Variants in OTUD7A observed in about 807,000 individuals in gnomAD.
OTUD7A encodes the protein OTU deubiquitinase 7A, also known as OTU domain-containing protein 7A.
Under a neutral mutation model 65.7 loss-of-function variants are expected in OTUD7A, and 12 were observed. The ratio of observed to expected loss-of-function variants is 0.18; its 90% CI spans 0.12 to 0.30. OTUD7A has a LOEUF of 0.30. Ranked by LOEUF, OTUD7A falls within the 10% of genes least tolerant of loss-of-function variation. The probability of loss-of-function intolerance (pLI) is 1.00; values close to 1 mark genes in which losing one functional copy is unlikely to be tolerated. For synonymous variants in OTUD7A, 641 were observed against 586.3 expected (o/e 1.09, Z -1.35); for missense variants, 1,148 against 1,304.8 (o/e 0.88, Z 1.85).
intron 1 of OTUD7A, among the ~76,000 whole-genome samples, chr15:31,791,439 C>T (rs1895813034): frequency 6.6e-6 from 1 of 152,116 alleles, no homozygotes; most frequent in Non-Finnish European, 1.5e-5. Context: ...TCCATCATCC[C>T]ACCTTCTATT....
intron 1 of OTUD7A, among the ~76,000 whole-genome samples, chr15:31,757,579 A>G (rs946418429): frequency 1.2e-4 from 18 of 152,096 alleles, no homozygotes; most frequent in Non-Finnish European, 2.1e-4. Flanking sequence ...GGACATTACC[A>G]GCCAGCCGCA....
intron 5 of OTUD7A, among the ~76,000 whole-genome samples, chr15:31,541,219 A>T (rs1887977594): frequency 6.6e-6 from 1 of 152,194 alleles, no homozygotes; most frequent in Admixed American, 6.5e-5. Flanking sequence ...TAAAGAAAAA[A>T]GTTGAGTAGA....
intron 3 of OTUD7A, among the ~76,000 whole-genome samples, chr15:31,625,359 A>G (rs544720242): frequency 1.3e-5 from 2 of 152,234 alleles, no homozygotes; most frequent in South Asian, 4.1e-4. Context: ...TGTATGCGGC[A>G]ATAGATGACT....
At chr15:31,850,214 G>A (rs1273376346) in intron 1 of OTUD7A, among the ~76,000 whole-genome samples, 2 of 152,182 alleles carry the variant, frequency 1.3e-5, no homozygotes, top group African/African-American at 4.8e-5. Flanking sequence ...TATACATCAT[G>A]GAATACTATG....
intron 1 of OTUD7A, among the ~76,000 whole-genome samples, chr15:31,857,084 G>A (rs977111281): frequency 6.6e-6 from 1 of 152,192 alleles, no homozygotes; most frequent in Non-Finnish European, 1.5e-5. Context: ...GGAAATAGAG[G>A]CTTAAAGAAG....
intron 3 of OTUD7A, among the ~76,000 whole-genome samples, chr15:31,573,747 A>G (rs1047522034): frequency 2.0e-5 from 3 of 152,154 alleles, no homozygotes; most frequent in Non-Finnish European, 2.9e-5. Context: ...CCAAAAATAC[A>G]AAAATTACCT....
chr15:31,613,189 A>G (rs1420455162), intron 3 of OTUD7A, among the ~76,000 whole-genome samples: 3 of 152,232 alleles, frequency 2.0e-5, no homozygotes, highest in East Asian at 1.9e-4. Context: ...AACTATAAAA[A>G]TTCTAGAAGA....
intron 9 of OTUD7A, among the ~76,000 whole-genome samples, chr15:31,502,656 T>C (rs1379548878): frequency 6.6e-6 from 1 of 152,220 alleles, no homozygotes; most frequent in Non-Finnish European, 1.5e-5. Context: ...AAGAGGGCTG[T>C]GAGTAGCATG....
chr15:31,598,424 A>G (rs932488433), intron 3 of OTUD7A, among the ~76,000 whole-genome samples: 2 of 152,118 alleles, frequency 1.3e-5, no homozygotes, highest in Admixed American at 6.5e-5. Context: ...CCCCTACCCA[A>G]GGGAAGCCGT....
At chr15:31,496,954 C>T (rs1177306161) in intron 10 of OTUD7A, among the ~76,000 whole-genome samples, 2 of 152,078 alleles carry the variant, frequency 1.3e-5, no homozygotes, top group African/African-American at 4.8e-5. Flanking sequence ...GTCTCTGTTC[C>T]CAATAAAGGG....
At chr15:31,670,027 C>T (rs1206591489) in intron 1 of OTUD7A, among the ~76,000 whole-genome samples, 2 of 144,804 alleles carry the variant, frequency 1.4e-5, no homozygotes, top group Non-Finnish European at 1.5e-5. Context: ...GAGCAGTCTG[C>T]TTCCTTCAGA....
intron 1 of OTUD7A, among the ~76,000 whole-genome samples, chr15:31,838,546 A>G (rs1897108986): frequency 6.6e-6 from 1 of 152,200 alleles, no homozygotes; most frequent in African/African-American, 2.4e-5. Context: ...GGAAGCCTGC[A>G]GAACCACCAC....
Position 31,487,583 on chromosome 15 carries a change from A to G in OTUD7A, c.1172-17T>C. ...GGATCACGGCTGGAACAGAAGAGAC[A>G]GAGCCGTGCTTGGAGCCCCGGCAGT... On this transcript the variant is annotated splice_polypyrimidine_tract_variant and intron_variant, in intron 10 of 12. Transcript: ENST00000307050. The surrounding 1 kb of genome is among the most constrained non-coding windows in gnomAD (Gnocchi z 6.0). The G allele has an allele frequency of 6.2e-7, 1 of 1,605,240 alleles. No individual in the cohort carries two copies. The highest frequency in any genetic ancestry group is 8.5e-7 in the Non-Finnish European group (1 of 1,175,408).
At chr15:31,852,680 G>A (rs1897460918) in intron 1 of OTUD7A, among the ~76,000 whole-genome samples, 1 of 152,146 alleles carries the variant, frequency 6.6e-6, no homozygotes, top group South Asian at 2.1e-4. Context: ...CTCCTCAATG[G>A]GCTCATCTGT....
At chr15:31,808,136 C>CACACACACACACAAAAAAAAAA in intron 1 of OTUD7A, among the ~76,000 whole-genome samples, 1 of 119,418 alleles carries the variant, frequency 8.4e-6, no homozygotes, top group Non-Finnish European at 1.9e-5. Flanking sequence ...CACACACACA[C>CACACACACACACAAAAAAAAAA]AAACAAATCC....
At chr15:31,493,448 T>A (rs1295227266) in intron 10 of OTUD7A, among the ~76,000 whole-genome samples, 1 of 152,228 alleles carries the variant, frequency 6.6e-6, no homozygotes, top group South Asian at 2.1e-4. Context: ...ACTTTGCTAC[T>A]TTTTGCTCAG....
chr15:31,507,946 A>C (rs2125615), intron 8 of OTUD7A, among the ~76,000 whole-genome samples: 3 of 151,998 alleles, frequency 2.0e-5, no homozygotes, highest in African/African-American at 7.3e-5. Flanking sequence ...TGATTATAAC[A>C]ATAAGTGTTA....
intron 1 of OTUD7A, among the ~76,000 whole-genome samples, chr15:31,845,193 C>T (rs1265472083): frequency 6.6e-6 from 1 of 152,194 alleles, no homozygotes; most frequent in African/African-American, 2.4e-5. Context: ...AGCCATCCCT[C>T]CTCCCCAGGC....
intron 3 of OTUD7A, among the ~76,000 whole-genome samples, chr15:31,571,175 T>C (rs79828135): frequency 0.033 from 5,072 of 152,160 alleles, 273 homozygotes; most frequent in African/African-American, 0.12. Context: ...TATGTATATA[T>C]CAATACATAC....
Sources: allele counts gnomAD v4.1 joint callset (sites outside exome capture counted in the v4.1 genomes callset), GRCh38; gene constraint gnomAD v4.1.1; non-coding constraint Gnocchi (gnomAD v3.1); transcripts MANE v1.5; gene names NCBI Gene and HGNC (gene_info 2026-07-23, HGNC 2026-07-21).